The following ARFIP1 variants were observed in gnomAD, a reference collection of about 807,000 sequenced individuals.
ARFIP1 encodes arfaptin-1.
Under a neutral mutation model 42.5 loss-of-function variants are expected in ARFIP1, and 24 were observed. The ratio of observed to expected loss-of-function variants is 0.57; its 90% confidence interval spans 0.41 to 0.80. The LOEUF is 0.80. Among genes scored for constraint, ARFIP1 ranks in the 30% least tolerant of loss-of-function variants. ARFIP1 has a pLI of 0.00. For missense variants in ARFIP1, 354 were observed against 434.0 expected, an observed-to-expected ratio of 0.82 and a Z score of 1.64; for synonymous variants, 141 against 153.7, an observed-to-expected ratio of 0.92 and a Z score of 0.61.
At chr4:152,784,126 T>C (rs1730659975) in intron 1 of ARFIP1, among the ~76,000 whole-genome samples, 2 of 152,146 alleles carry the variant, frequency 1.3e-5, no homozygotes, top group Admixed American at 1.3e-4. Flanking sequence ...AAAACTAAAA[T>C]ATTTGTACAG....
At chr4:152,880,934 T>A (rs2149891672) in intron 5 of ARFIP1, 29 bp from the exon 6 acceptor site, 1 of 1,559,708 alleles carries the variant, frequency 6.4e-7, no homozygotes, top group South Asian at 1.1e-5. Flanking sequence ...GTTTTTTCTT[T>A]CTAAACAAAA....
At chr4:152,881,464 G>A (rs1735843213) in intron 6 of ARFIP1, among the ~76,000 whole-genome samples, 1 of 152,102 alleles carries the variant, frequency 6.6e-6, no homozygotes, top group South Asian at 2.1e-4. Context: ...TCAATATCAA[G>A]GGTTACTGTT....
intron 8 of ARFIP1, among the ~76,000 whole-genome samples, chr4:152,895,551 CTTTTTTTTTTTTTTTT>C (rs34697452): frequency 6.3e-5 from 4 of 63,898 alleles, no homozygotes; most frequent in South Asian, 1.3e-3. Flanking sequence ...TGCACTTGGC[CTTTTTTTTTTTTTTTT>C]TTTTTTTTTT....
At position 152,863,605 on chromosome 4, in the gene ARFIP1, G is replaced by T; in HGVS notation, c.94-1G>T. On this transcript the variant is annotated splice_acceptor_variant, in intron 2 of 8. Coordinates refer to ENST00000353617, the MANE Select transcript of ARFIP1 (RefSeq NM_001025595.3). LOFTEE classifies it high-confidence loss of function. ...TTTTCTTTTATTTAAATCTTGCTAA[G>T]GATTTGAAGCATTCATTACCATCTG... 6.4e-7 allele frequency: 1 copy of T among 1,557,766 alleles called. No individual in the cohort carries two copies. The highest frequency in any genetic ancestry group is 1.1e-5 in the South Asian group (1 of 88,342).
intron 1 of ARFIP1, among the ~76,000 whole-genome samples, chr4:152,812,294 A>G (rs1016313023): frequency 6.6e-6 from 1 of 152,196 alleles, no homozygotes; most frequent in Admixed American, 6.5e-5. Context: ...TCCCTGGGTT[A>G]AGCAATCCTT....
intron 1 of ARFIP1, among the ~76,000 whole-genome samples, chr4:152,802,522 A>T (rs529210715): frequency 6.6e-6 from 1 of 151,868 alleles, no homozygotes; most frequent in African/African-American, 2.4e-5. Context: ...AAATAACTTT[A>T]AAAAAATAGT....
intron 2 of ARFIP1, among the ~76,000 whole-genome samples, chr4:152,853,905 CTTTTTTT>C (rs36055484): frequency 1.3e-5 from 1 of 74,740 alleles, no homozygotes; most frequent in Admixed American, 1.7e-4. Flanking sequence ...TTCTGAGATT[CTTTTTTT>C]TTTTTTTTTT....
chr4:152,856,619 A>G (rs951730400), intron 2 of ARFIP1, among the ~76,000 whole-genome samples: 1 of 152,196 alleles, frequency 6.6e-6, no homozygotes, highest in African/African-American at 2.4e-5. Context: ...ATCCGCATGT[A>G]TTTTGGTATC....
chr4:152,847,897 C>G (rs1732691072), intron 2 of ARFIP1, among the ~76,000 whole-genome samples: 1 of 152,194 alleles, frequency 6.6e-6, no homozygotes, highest in Non-Finnish European at 1.5e-5. Flanking sequence ...CAAAAATCCA[C>G]TAATGTAGGG....
At chr4:152,876,151 C>G (rs1735314158) in intron 5 of ARFIP1, among the ~76,000 whole-genome samples, 1 of 151,986 alleles carries the variant, frequency 6.6e-6, no homozygotes, top group Non-Finnish European at 1.5e-5. Flanking sequence ...TGAAAAGATA[C>G]CCAAAAATGT....
intron 1 of ARFIP1, among the ~76,000 whole-genome samples, chr4:152,817,214 AG>A (rs1373858867): frequency 2.0e-5 from 3 of 152,214 alleles, no homozygotes; most frequent in African/African-American, 7.2e-5. Flanking sequence ...TCCTAATTAG[AG>A]TCCAAATACT....
rs530064647 is a variant in ARFIP1, at chr4:152,841,383, A to G, written c.93+11657A>G. Among the ~76,000 whole-genome samples the G allele has an allele frequency of 3.9e-5, 6 of 152,286 alleles. No homozygotes were observed. The East Asian group carries it at 1.2e-3, about 29-fold the overall frequency. On this transcript the variant is annotated intron_variant, in intron 2 of 8. Coordinates refer to ENST00000353617, the MANE Select transcript of ARFIP1 (RefSeq NM_001025595.3). ...ATTTAGACCATTTGTATTCAATGTT[A>G]GTATTGAAATGTGAGGTACGGTTGC...
chr4:152,885,736 A>G (rs1736207064), intron 7 of ARFIP1, among the ~76,000 whole-genome samples: 1 of 152,030 alleles, frequency 6.6e-6, no homozygotes, highest in Non-Finnish European at 1.5e-5. Flanking sequence ...AAGGCTATTG[A>G]AGGATATTTG....
intron 1 of ARFIP1, chr4:152,810,092 A>ACG (rs1729328717): frequency 6.6e-6 from 1 of 152,222 alleles, no homozygotes; most frequent in African/African-American, 2.4e-5. Context: ...TTGGTACATG[A>ACG]CGATGCCTTT....
intron 3 of ARFIP1, among the ~76,000 whole-genome samples, chr4:152,867,097 G>A (rs373081874): frequency 4.7e-4 from 71 of 152,136 alleles, no homozygotes; most frequent in African/African-American, 1.6e-3. Context: ...ACGGGGTGGC[G>A]GCCGGGCAGA....
At position 152,853,511 on chromosome 4, in the gene ARFIP1, T is replaced by A. The variant is rs1393632914; in HGVS notation, c.94-10095T>A. Among the ~76,000 whole-genome samples the A allele has an allele frequency of 2.6e-5, 4 of 152,230 alleles. No individual in the cohort carries two copies. In the East Asian group the frequency reaches 7.7e-4, roughly 29 times the overall value. The stretch of plus-strand genomic sequence containing the variant: ...CCATTTTCTCCTGGCTTCTGTCTCC[T>A]GAGAAATCCACTGATAGTCTTATGG... On this transcript the variant is annotated intron_variant, in intron 2 of 8. Coordinates refer to ENST00000353617, the MANE Select transcript of ARFIP1 (RefSeq NM_001025595.3).
intron 8 of ARFIP1, among the ~76,000 whole-genome samples, chr4:152,889,865 C>CTA (rs1213504729): frequency 8.9e-5 from 11 of 123,184 alleles, no homozygotes; most frequent in Admixed American, 3.8e-4. Context: ...ACTATATATA[C>CTA]TATATATATA....
chr4:152,830,938 T>G (rs928558741), intron 2 of ARFIP1, among the ~76,000 whole-genome samples: 2 of 152,314 alleles, frequency 1.3e-5, no homozygotes, highest in Non-Finnish European at 2.9e-5. Flanking sequence ...AGAACTAGTA[T>G]GTCTTCAAGC....
At chr4:152,889,537 AC>A in intron 8 of ARFIP1, among the ~76,000 whole-genome samples, 1 of 31,214 alleles carries the variant, frequency 3.2e-5, no homozygotes, top group African/African-American at 7.3e-5. Context: ...ATATATATAC[AC>A]CTATTTTTGT....
Sources: gnomAD v4.1 joint callset for allele counts (sites outside exome capture counted in the v4.1 genomes callset) on GRCh38, gnomAD v4.1.1 for gene constraint, MANE v1.5 for transcripts, NCBI Gene and HGNC (gene_info 2026-07-23, HGNC 2026-07-21) for gene names.